The following TUBB8 variants were observed in gnomAD, a reference collection of about 807,000 sequenced individuals.
The protein encoded by TUBB8 is tubulin beta 8 class VIII, also known as tubulin beta-8 chain.
In TUBB8, 25 loss-of-function variants were observed where a neutral mutation model predicts 33.7. The observed-to-expected ratio is 0.74, with a 90% confidence interval of 0.54 to 1.04. The LOEUF (loss-of-function observed/expected upper bound fraction) is 1.04. Ranked by LOEUF, TUBB8 falls within the 50% of genes least tolerant of loss-of-function variation. TUBB8 has a pLI of 0.00. For synonymous variants in TUBB8, 245 were observed against 240.1 expected (o/e 1.02, Z -0.19); for missense variants, 279 against 608.0 (o/e 0.46, Z 5.69).
chr10:70,676 C>A lies in TUBB8; in HGVS notation c.-846+3293G>T, dbSNP rs191084809. Among the ~76,000 whole-genome samples, 776 of 151,894 alleles carry A rather than the reference C, an allele frequency of 5.1e-3. 5 individuals are homozygous for A. The highest frequency in any genetic ancestry group is 0.018 in the African/African-American group (731 of 41,410). ...CCAACATGGCAAAACCCAGTCTCTA[C>A]TAAAAATACAATAATCAGCCAGGCA... On this transcript the variant is annotated intron_variant, in intron 1 of 3. Coordinates refer to the TUBB8 transcript ENST00000564130.
At chr10:60,384 AAAAC>A (rs375202524) in intron 1 of TUBB8, among the ~76,000 whole-genome samples, 39,819 of 150,794 alleles carry the variant, frequency 0.26, 5,811 homozygotes, top group Non-Finnish European at 0.35. Context: ...TTACAAGAAA[AAAAC>A]AAACAACTCC....
upstream of TUBB8, among the ~76,000 whole-genome samples, chr10:53,412 G>C (rs1834492692): frequency 1.3e-5 from 2 of 152,258 alleles, no homozygotes; most frequent in African/African-American, 4.8e-5. Context: ...ACAGGCATGA[G>C]CCACTGCTCC....
At chr10:60,115 G>T (rs1318892852) in intron 1 of TUBB8, among the ~76,000 whole-genome samples, 2 of 151,910 alleles carry the variant, frequency 1.3e-5, no homozygotes, top group Admixed American at 1.3e-4. Context: ...TTTTATTTCT[G>T]CTCTAATTTT....
intron 1 of TUBB8, among the ~76,000 whole-genome samples, chr10:62,673 TC>T (rs1425452146): frequency 6.6e-6 from 1 of 152,262 alleles, no homozygotes; most frequent in African/African-American, 2.4e-5. Context: ...GTAGGACAGG[TC>T]TGGTGTTAAT....
At chr10:70,547 G>A (rs1156264486) in intron 1 of TUBB8, among the ~76,000 whole-genome samples, 2 of 152,098 alleles carry the variant, frequency 1.3e-5, no homozygotes, top group African/African-American at 4.8e-5. Flanking sequence ...ATATAAATTA[G>A]AAGTCAAATA....
intron 1 of TUBB8, among the ~76,000 whole-genome samples, chr10:62,158 C>T (rs1363290357): frequency 6.6e-6 from 1 of 152,068 alleles, no homozygotes; most frequent in Non-Finnish European, 1.5e-5. Flanking sequence ...GACTTTTGTC[C>T]TCTCATCGTT....
chr10:46,761 C>T (rs1157672745), downstream of TUBB8: 3 of 413,036 alleles, frequency 7.3e-6, no homozygotes, highest in African/African-American at 4.0e-5. Flanking sequence ...ACCGACCCCT[C>T]CTGGAGCCAC....
chr10:60,824 C>CCCAA (rs1834592208), intron 1 of TUBB8, among the ~76,000 whole-genome samples: 1 of 151,930 alleles, frequency 6.6e-6, no homozygotes, highest in African/African-American at 2.4e-5. Context: ...TTGGAACCAA[C>CCCAA]CCAAATGTCC....
intron 1 of TUBB8, among the ~76,000 whole-genome samples, chr10:73,562 G>A: frequency 1.3e-5 from 2 of 152,184 alleles, no homozygotes; most frequent in South Asian, 4.1e-4. Context: ...AGAATCGCTT[G>A]AACCCAGGAG....
At chr10:74,625 CAAAAA>C (rs35723619), upstream of TUBB8, among the ~76,000 whole-genome samples, 1 of 89,674 alleles carries the variant, frequency 1.1e-5, no homozygotes, top group African/African-American at 4.4e-5. Flanking sequence ...GACTCAGTAT[CAAAAA>C]AAAAAAAAAA....
chr10:62,575 T>TACTA (rs1834617011), intron 1 of TUBB8, among the ~76,000 whole-genome samples: 1 of 152,264 alleles, frequency 6.6e-6, no homozygotes, highest in Non-Finnish European at 1.5e-5. Context: ...CATGTGCTAT[T>TACTA]ACTAGTTGAG....
At chr10:53,826 C>T (rs1373181936), upstream of TUBB8, among the ~76,000 whole-genome samples, 1 of 152,304 alleles carries the variant, frequency 6.6e-6, no homozygotes, top group Non-Finnish European at 1.5e-5. Flanking sequence ...CCAAAGTTAA[C>T]CTGAAAAGCT....
upstream of TUBB8, among the ~76,000 whole-genome samples, chr10:74,324 G>A (rs1241463321): frequency 1.3e-5 from 2 of 151,520 alleles, no homozygotes; most frequent in African/African-American, 2.4e-5. Flanking sequence ...CCCTTGACCG[G>A]AACGCATGGA....
At chr10:71,195 G>C (rs577564395) in intron 1 of TUBB8, among the ~76,000 whole-genome samples, 220 of 152,210 alleles carry the variant, frequency 1.4e-3, no homozygotes, top group Non-Finnish European at 2.4e-3. Context: ...CACACTTGTA[G>C]TCCCAGCTAC....
rs1834424742 is a variant in TUBB8 at position 49,112 on chromosome 10, C to CGCCACT, written c.57+64_57+69dup. 3.4e-6 allele frequency: 5 copies of CGCCACT among 1,477,626 alleles called. No homozygotes were observed. In the South Asian group the frequency reaches 3.7e-5, roughly 11 times the overall value. The allele number at this position is 1,477,626 out of a possible 1,614,324, so 91.5% of individuals were successfully genotyped here. ...GGCCGCAATGCATGGGCACCGCCCC[C>CGCCACT]GCCACTGCCAACACCTTCCCCGGCC... On this transcript the variant is annotated intron_variant, in intron 1 of 3. Transcript: ENST00000568584.
At chr10:49,566 G>A, upstream of TUBB8, 8 of 567,736 alleles carry the variant, frequency 1.4e-5, no homozygotes, top group Non-Finnish European at 2.7e-5. Flanking sequence ...CTCCCATGTG[G>A]GAGGGGAAGA....
upstream of TUBB8, among the ~76,000 whole-genome samples, chr10:50,904 G>C (rs574137975): frequency 6.6e-6 from 1 of 152,124 alleles, no homozygotes. Context: ...ACTCTTCCTT[G>C]GGATGGTCCA....
At position 47,562 on chromosome 10, in the gene TUBB8, C is replaced by A; in HGVS notation, c.830G>T (p.Gly277Val). 1 of 1,610,836 alleles carries A rather than the reference C, an allele frequency of 6.2e-7. No homozygotes were observed. The highest frequency in any genetic ancestry group is 1.3e-5 in the African/African-American group (1 of 74,900). Residue 277 changes from glycine to valine, a missense_variant, in exon 4 of 4, where the codon GGC (glycine) becomes GTC (valine). Physicochemically the swap from Gly to Val is moderately radical, Grantham distance 109 (BLOSUM62 -3). Around this residue, in one of 4 missense-constraint regions of TUBB8, gnomAD observed 4 missense variants for 67.5 expected, o/e 0.06. Coordinates refer to ENST00000568584, the MANE Select transcript of TUBB8 (RefSeq NM_177987.3). ...MPGFAPLTSRGSQQYRALTVA... is the reference protein window; with the variant it reads ...MPGFAPLTSRVSQQYRALTVA... ...AGTCAAGGCCCGGTACTGCTGGCTG[C>A]CCCGGCTGGTCAGTGGGGCAAAGCC...
At chr10:72,452 G>A (rs529205029) in intron 1 of TUBB8, among the ~76,000 whole-genome samples, 219 of 152,120 alleles carry the variant, frequency 1.4e-3, no homozygotes, top group Non-Finnish European at 2.4e-3. Flanking sequence ...CAGCTACTCA[G>A]GAGGCTGATG....
Sources: allele counts gnomAD v4.1 joint callset (sites outside exome capture counted in the v4.1 genomes callset), GRCh38; gene constraint gnomAD v4.1.1; regional missense constraint gnomAD v4.1.1; transcripts MANE v1.5; gene names NCBI Gene and HGNC (gene_info 2026-07-23, HGNC 2026-07-21).